OSBPL6: variants seen among roughly 807,000 people sequenced by gnomAD.
OSBPL6 encodes oxysterol binding protein like 6, also known as oxysterol-binding protein-related protein 6.
Under a neutral mutation model 125.8 loss-of-function variants are expected in OSBPL6, and 49 were observed. That is an observed-to-expected ratio of 0.39 (90% CI 0.31 to 0.49). The LOEUF is 0.49. Ranked by LOEUF, OSBPL6 falls within the 20% of genes least tolerant of loss-of-function variation. The pLI is 0.88. For synonymous variants in OSBPL6, 394 were observed against 391.8 expected, an observed-to-expected ratio of 1.01 and a Z score of -0.07; for missense variants, 986 against 1,135.4, an observed-to-expected ratio of 0.87 and a Z score of 1.89.
intron 13 of OSBPL6, among the ~76,000 whole-genome samples, chr2:178,366,307 C>G (rs955946902): frequency 3.9e-5 from 6 of 152,216 alleles, no homozygotes; most frequent in African/African-American, 7.2e-5. Context: ...CATCTTGAGC[C>G]TATCTTGAAT....
chr2:178,361,110 A>G (rs1338165533), intron 12 of OSBPL6, among the ~76,000 whole-genome samples: 1 of 152,192 alleles, frequency 6.6e-6, no homozygotes, highest in Non-Finnish European at 1.5e-5. Context: ...TAACAACAAG[A>G]TATTCCTGTC....
intron 1 of OSBPL6, among the ~76,000 whole-genome samples, chr2:178,283,043 A>G (rs1000338147): frequency 7.2e-5 from 11 of 152,238 alleles, no homozygotes; most frequent in Admixed American, 2.6e-4. Flanking sequence ...GTGTGCAGAA[A>G]ATAAAAAGAT....
chr2:178,335,612 A>G (rs1689608911), intron 8 of OSBPL6, among the ~76,000 whole-genome samples: 1 of 152,236 alleles, frequency 6.6e-6, no homozygotes, highest in African/African-American at 2.4e-5. Context: ...GTAGTTGGAT[A>G]TTAAAGTCAA....
At chr2:178,255,164 C>T (rs140079311) in intron 1 of OSBPL6, among the ~76,000 whole-genome samples, 4,064 of 152,228 alleles carry the variant, frequency 0.027, 72 homozygotes, top group Middle Eastern at 0.11. Flanking sequence ...ATTAGCTGGG[C>T]GTGGTAGCAC....
At chr2:178,229,992 GTC>G (rs1348462014) in intron 1 of OSBPL6, among the ~76,000 whole-genome samples, 4 of 152,216 alleles carry the variant, frequency 2.6e-5, no homozygotes, top group African/African-American at 7.2e-5. Flanking sequence ...CCAGCCCTCA[GTC>G]TCTCTGCCTT....
intron 1 of OSBPL6, among the ~76,000 whole-genome samples, chr2:178,232,637 C>G (rs1326162351): frequency 6.6e-6 from 1 of 152,124 alleles, no homozygotes; most frequent in Non-Finnish European, 1.5e-5. Flanking sequence ...AAACAGTTAC[C>G]TAGCTCATTA....
intron 9 of OSBPL6, among the ~76,000 whole-genome samples, chr2:178,337,140 C>T (rs1689757266): frequency 6.6e-6 from 1 of 152,096 alleles, no homozygotes; most frequent in South Asian, 2.1e-4. Flanking sequence ...AGACAGTTTT[C>T]ATTTGACCTT....
At chr2:178,207,654 A>G (rs1466277536) in intron 1 of OSBPL6, among the ~76,000 whole-genome samples, 1 of 152,116 alleles carries the variant, frequency 6.6e-6, no homozygotes, top group Non-Finnish European at 1.5e-5. Context: ...TCTGCATGCC[A>G]TGAGTATGCA....
At chr2:178,275,593 C>T (rs146767744) in intron 1 of OSBPL6, among the ~76,000 whole-genome samples, 12 of 151,984 alleles carry the variant, frequency 7.9e-5, no homozygotes, top group African/African-American at 1.4e-4. Flanking sequence ...GCAATGGAAT[C>T]GACAGTAGGA....
At chr2:178,374,812 A>G (rs1693716154) in intron 15 of OSBPL6, among the ~76,000 whole-genome samples, 1 of 152,260 alleles carries the variant, frequency 6.6e-6, no homozygotes, top group Non-Finnish European at 1.5e-5. Flanking sequence ...CATCCTGACA[A>G]TTAGTAGTAG....
chr2:178,298,328 A>G (rs150691477), intron 2 of OSBPL6, among the ~76,000 whole-genome samples: 24 of 152,342 alleles, frequency 1.6e-4, no homozygotes, highest in Non-Finnish European at 2.8e-4. Flanking sequence ...ACATGCTGCT[A>G]TGGACATGGT....
chr2:178,204,149 G>A (rs964437972), intron 1 of OSBPL6, among the ~76,000 whole-genome samples: 16 of 149,322 alleles, frequency 1.1e-4, no homozygotes, highest in Admixed American at 2.7e-4. Flanking sequence ...TTGGCCCCCC[G>A]AGTAGTTGGG....
At position 178,316,264 on chromosome 2, in the gene OSBPL6, CTT is replaced by C. The variant is rs980174116; in HGVS notation, c.103-7909_103-7908del. Reference sequence around the variant, plus strand: ...AAATTTAGTGATATGTATCTAAAGTCTTTTTAAAAAGTCATACCATGGGACCC... The same window carrying C: ...AAATTTAGTGATATGTATCTAAAGTCTTTAAAAAGTCATACCATGGGACCC... On this transcript the variant is annotated intron_variant, in intron 3 of 24. Transcript: ENST00000190611. Among the ~76,000 whole-genome samples the C allele has an allele frequency of 3.9e-5, 6 of 152,174 alleles. 1 individual carries two copies. Among genetic ancestry groups the C allele is most frequent in the African/African-American group, 1.4e-4 (6 of 41,524 alleles).
At chr2:178,209,605 G>C (rs2089740399) in intron 1 of OSBPL6, among the ~76,000 whole-genome samples, 1 of 151,932 alleles carries the variant, frequency 6.6e-6, no homozygotes, top group Non-Finnish European at 1.5e-5. Context: ...TTTCATGTTT[G>C]AGTTTTTCCT....
intron 1 of OSBPL6, among the ~76,000 whole-genome samples, chr2:178,211,495 TC>T: frequency 6.6e-6 from 1 of 152,294 alleles, no homozygotes; most frequent in African/African-American, 2.4e-5. Flanking sequence ...CCCCAGGACC[TC>T]CGGTCTCCTC....
At chr2:178,386,506 G>A (rs1319323447) in intron 19 of OSBPL6, among the ~76,000 whole-genome samples, 1 of 151,746 alleles carries the variant, frequency 6.6e-6, no homozygotes, top group Non-Finnish European at 1.5e-5. Flanking sequence ...TTTTTTAACT[G>A]TAATCCCAAA....
At chr2:178,224,129 G>T (rs1440037866) in intron 1 of OSBPL6, among the ~76,000 whole-genome samples, 1 of 152,128 alleles carries the variant, frequency 6.6e-6, no homozygotes, top group Non-Finnish European at 1.5e-5. Context: ...GGAAGTGAGG[G>T]GATGCCATGA....
chr2:178,210,628 T>A (rs1400819815), intron 1 of OSBPL6, among the ~76,000 whole-genome samples: 2 of 151,860 alleles, frequency 1.3e-5, no homozygotes, highest in Non-Finnish European at 2.9e-5. Flanking sequence ...CCAACCAACA[T>A]GGTGAAACCC....
At chr2:178,328,842 G>C (rs1688935413) in intron 5 of OSBPL6, among the ~76,000 whole-genome samples, 1 of 152,052 alleles carries the variant, frequency 6.6e-6, no homozygotes, top group Non-Finnish European at 1.5e-5. Context: ...GTCTATTATA[G>C]TTAACAGAGA....
Sources: allele counts gnomAD v4.1 joint callset (sites outside exome capture counted in the v4.1 genomes callset), GRCh38; gene constraint gnomAD v4.1.1; transcripts MANE v1.5; gene names NCBI Gene and HGNC (gene_info 2026-07-23, HGNC 2026-07-21).